Variants in SUGCT observed in about 807,000 individuals in gnomAD.
SUGCT encodes succinyl-CoA:glutarate-CoA transferase.
A neutral mutation model predicts 55.0 loss-of-function variants in SUGCT; 41 were observed. The ratio of observed to expected loss-of-function variants is 0.74; its 90% CI spans 0.58 to 0.97. SUGCT has a LOEUF of 0.97. Among genes scored for constraint, SUGCT ranks in the 50% least tolerant of loss-of-function variants. The probability of loss-of-function intolerance (pLI) is 0.00; values close to 1 mark genes in which losing one functional copy is unlikely to be tolerated. For missense variants in SUGCT, 568 were observed against 547.8 expected (o/e 1.04, Z -0.37); for synonymous variants, 187 against 200.4 (o/e 0.93, Z 0.56).
chr7:40,853,528 C>A (rs1219862143), intron 13 of SUGCT, among the ~76,000 whole-genome samples: 1 of 152,070 alleles, frequency 6.6e-6, no homozygotes, highest in Non-Finnish European at 1.5e-5. Flanking sequence ...CCACACCCCG[C>A]TAATTTTTTG....
intron 12 of SUGCT, among the ~76,000 whole-genome samples, chr7:40,653,506 A>T (rs1253711526): frequency 6.6e-6 from 1 of 152,198 alleles, no homozygotes; most frequent in Non-Finnish European, 1.5e-5. Flanking sequence ...CCCTCCTATC[A>T]GGAAAAATGG....
chr7:40,824,123 C>G (rs993477710), intron 13 of SUGCT, among the ~76,000 whole-genome samples: 10 of 151,850 alleles, frequency 6.6e-5, no homozygotes, highest in Admixed American at 2.0e-4. Flanking sequence ...CTCCCTTTCT[C>G]TCATTCAGGT....
chr7:40,984,170 G>T, the SUGCT span, among the ~76,000 whole-genome samples: 2 of 151,942 alleles, frequency 1.3e-5, no homozygotes, highest in Non-Finnish European at 2.9e-5. Context: ...TTACATCAGG[G>T]TTCCTCCCAA....
intron 12 of SUGCT, among the ~76,000 whole-genome samples, chr7:40,724,562 A>C (rs1038630550): frequency 6.9e-6 from 1 of 145,316 alleles, no homozygotes; most frequent in Non-Finnish European, 1.5e-5. Context: ...ACTCCATCTC[A>C]AAAAAAAAAA....
At chr7:40,678,624 A>C (rs1203654257) in intron 12 of SUGCT, among the ~76,000 whole-genome samples, 2 of 152,312 alleles carry the variant, frequency 1.3e-5, no homozygotes, top group Non-Finnish European at 2.9e-5. Context: ...ATCATAAGCA[A>C]AATTCCACTA....
chr7:40,381,154 A>G (rs1400212702), intron 9 of SUGCT, among the ~76,000 whole-genome samples: 1 of 152,086 alleles, frequency 6.6e-6, no homozygotes, highest in Admixed American at 6.6e-5. Flanking sequence ...TTGATTCTTT[A>G]AGACTCAAGT....
chr7:40,739,516 T>G (rs1227094053), intron 12 of SUGCT, among the ~76,000 whole-genome samples: 1 of 152,192 alleles, frequency 6.6e-6, no homozygotes, highest in Non-Finnish European at 1.5e-5. Flanking sequence ...TTTTTCCTGT[T>G]TATTTTCCTA....
chr7:40,830,010 A>G (rs2128776470), intron 13 of SUGCT, among the ~76,000 whole-genome samples: 1 of 152,232 alleles, frequency 6.6e-6, no homozygotes, highest in Middle Eastern at 3.4e-3. Context: ...AAGGACAACA[A>G]TTTGATTCTT....
At chr7:40,599,255 G>T (rs1169569580) in intron 12 of SUGCT, among the ~76,000 whole-genome samples, 2 of 152,178 alleles carry the variant, frequency 1.3e-5, no homozygotes. Context: ...TTTCTCAGAA[G>T]TTTGTGGGTA....
At chr7:40,659,138 G>A (rs564545315) in intron 12 of SUGCT, among the ~76,000 whole-genome samples, 36 of 152,290 alleles carry the variant, frequency 2.4e-4, no homozygotes, top group African/African-American at 8.4e-4. Flanking sequence ...GATCTAATAT[G>A]CAGGACAGAT....
At chr7:40,863,781 G>A (rs1794534244), downstream of SUGCT, among the ~76,000 whole-genome samples, 2 of 151,686 alleles carry the variant, frequency 1.3e-5, no homozygotes, top group Non-Finnish European at 2.9e-5. Flanking sequence ...AGGTACAACG[G>A]GCCTGAAAAA....
At chr7:40,535,329 G>A (rs996597825) in intron 12 of SUGCT, among the ~76,000 whole-genome samples, 1 of 152,074 alleles carries the variant, frequency 6.6e-6, no homozygotes, top group Non-Finnish European at 1.5e-5. Context: ...ACCCCCGGTA[G>A]TCCCCAGTTT....
chr7:40,539,194 G>A (rs1442211796), intron 12 of SUGCT: 1 of 152,102 alleles, frequency 6.6e-6, no homozygotes, highest in African/African-American at 2.4e-5. Flanking sequence ...AGGATGCCTT[G>A]GTTGTTCAGG....
intron 12 of SUGCT, among the ~76,000 whole-genome samples, chr7:40,664,695 C>T (rs1324568821): frequency 2.0e-5 from 3 of 152,142 alleles, no homozygotes; most frequent in South Asian, 4.1e-4. Context: ...AAATCTTTTT[C>T]TGGAGCTGGG....
intron 12 of SUGCT, among the ~76,000 whole-genome samples, chr7:40,533,186 A>G (rs1010777412): frequency 2.0e-5 from 3 of 152,198 alleles, no homozygotes; most frequent in African/African-American, 7.2e-5. Flanking sequence ...AAATTTAATT[A>G]TGTGTTGACC....
chr7:40,248,874 GCGCGCGCGCGCT>G (rs1790092747), intron 7 of SUGCT, among the ~76,000 whole-genome samples: 4 of 142,432 alleles, frequency 2.8e-5, no homozygotes, highest in African/African-American at 1.1e-4. Flanking sequence ...TCTTTCCAGC[GCGCGCGCGCGCT>G]CGCACACACA....
intron 12 of SUGCT, among the ~76,000 whole-genome samples, chr7:40,532,855 A>G (rs989328425): frequency 3.3e-5 from 5 of 152,196 alleles, no homozygotes; most frequent in African/African-American, 1.2e-4. Flanking sequence ...TGAATACAAT[A>G]TTTTAATTAT....
intron 9 of SUGCT, among the ~76,000 whole-genome samples, chr7:40,365,746 G>A (rs1409084027): frequency 1.3e-5 from 2 of 151,986 alleles, no homozygotes; most frequent in African/African-American, 4.8e-5. Flanking sequence ...ACAAACCACT[G>A]CTCAATGAAA....
At chr7:40,737,632 C>A (rs1215681404) in intron 12 of SUGCT, among the ~76,000 whole-genome samples, 1 of 152,106 alleles carries the variant, frequency 6.6e-6, no homozygotes, top group Non-Finnish European at 1.5e-5. Flanking sequence ...AAACATCTGG[C>A]ATATAAATTG....
Sources: gnomAD v4.1 joint callset for allele counts (sites outside exome capture counted in the v4.1 genomes callset) on GRCh38, gnomAD v4.1.1 for gene constraint, MANE v1.5 for transcripts, NCBI Gene and HGNC (gene_info 2026-07-23, HGNC 2026-07-21) for gene names.